E2F3: variants seen among roughly 807,000 people sequenced by gnomAD.
The protein encoded by E2F3 is E2F transcription factor 3, also known as transcription factor E2F3.
E2F3 carries 11 observed loss-of-function variants against 44.4 expected under a neutral mutation model. The observed-to-expected ratio is 0.25, with a 90% confidence interval of 0.16 to 0.41. E2F3 has a LOEUF of 0.41. Ranked by LOEUF, E2F3 falls within the 10% of genes least tolerant of loss-of-function variation. The pLI, the probability that E2F3 is intolerant of heterozygous loss-of-function variation, is 1.00. For synonymous variants in E2F3, 249 were observed against 253.0 expected (o/e 0.98, Z 0.15); for missense variants, 487 against 583.6 (o/e 0.83, Z 1.70).
Position 20,490,517 on chromosome 6 carries a change from C to A in E2F3, c.*87C>A. 2 of 1,317,354 alleles carry A rather than the reference C, an allele frequency of 1.5e-6. No individual in the cohort carries two copies. The highest frequency in any genetic ancestry group is 1.0e-6 in the Non-Finnish European group (1 of 977,550). 81.6% of individuals were successfully genotyped at this position (1,317,354 alleles called of 1,614,324 possible). ...TGTCATGCAGTGTTGTCCCTTCCTA[C>A]CTTCTTCCTCCAAGAGAGTATCATG... On this transcript the variant is annotated 3_prime_UTR_variant, in exon 7 of 7. Transcript: ENST00000346618. The surrounding 1 kb of genome is among the most constrained non-coding windows in gnomAD (Gnocchi z 4.3).
In E2F3 at chr6:20,402,624, C is replaced by G; in HGVS notation, c.392C>G (p.Pro131Arg). The change falls in exon 1 of 7, where the codon CCG becomes CGG. Residue 131 changes from proline (P) to arginine (R), a missense_variant and splice_region_variant. Around this residue, in one of 3 missense-constraint regions of E2F3, gnomAD observed 238 missense variants for 236.0 expected, o/e 1.01. Transcript: ENST00000346618. The surrounding 1 kb of genome is among the most constrained non-coding windows in gnomAD (Gnocchi z 5.6). ...GGCAGCGGCGGCGGCGGCGGCCCTC[C>G]GGTAATACCCTCCCTCCCCACCGTC... The part of the protein sequence containing the change: ...RGGSGGGGGP[P>R]AKRRLELGES... 7.5e-7 allele frequency: 1 copy of G among 1,332,676 alleles called. No individual in the cohort carries two copies. Among genetic ancestry groups the G allele is most frequent in the Non-Finnish European group, 9.5e-7 (1 of 1,049,810 alleles). The allele number at this position is 1,332,676 out of a possible 1,614,324, so 82.6% of individuals were successfully genotyped here.
rs1762537400 is a variant in E2F3 at position 20,490,913 on chromosome 6, A to G, written c.*483A>G. ...TATGGAATGGAACTGCAGCAAATGCAAACTTGAAGTCATGCAAAAGTATGA... is the reference window on the plus strand; with the variant it reads ...TATGGAATGGAACTGCAGCAAATGCGAACTTGAAGTCATGCAAAAGTATGA... On this transcript the variant is annotated 3_prime_UTR_variant, in exon 7 of 7. Coordinates refer to ENST00000346618, the MANE Select transcript of E2F3 (RefSeq NM_001949.5). This position sits in a 1 kb window ranked among gnomAD's most constrained non-coding sequence, Gnocchi z 4.3. 1 of 229,418 alleles carries G rather than the reference A, an allele frequency of 4.4e-6. No individual in the cohort carries two copies. Among genetic ancestry groups the G allele is most frequent in the African/African-American group, 2.2e-5 (1 of 45,158 alleles). The allele number at this position is 229,418 out of a possible 1,614,324, so 14.2% of individuals were successfully genotyped here. A position where few individuals can be genotyped will look rare whatever the true frequency, so the allele number is the denominator to read the frequency against.
chr6:20,470,461 T>A (rs748227739), intron 1 of E2F3, among the ~76,000 whole-genome samples: 7 of 152,192 alleles, frequency 4.6e-5, no homozygotes, highest in Non-Finnish European at 8.8e-5. Context: ...TTTCTTAAAA[T>A]CCTCATGCCC....
chr6:20,414,093 G>A (rs376217862), intron 1 of E2F3, among the ~76,000 whole-genome samples: 1 of 152,156 alleles, frequency 6.6e-6, no homozygotes. Context: ...TTGGCATAGA[G>A]GTTATAGTGG....
At chr6:20,421,818 G>A (rs1372860094) in intron 1 of E2F3, 1 of 152,350 alleles carries the variant, frequency 6.6e-6, no homozygotes, top group Non-Finnish European at 1.5e-5. Flanking sequence ...AGAACTCCTG[G>A]GCTCAAGCTA....
chr6:20,484,596 T>C (rs1762330779), intron 4 of E2F3, among the ~76,000 whole-genome samples: 1 of 152,192 alleles, frequency 6.6e-6, no homozygotes, highest in Admixed American at 6.5e-5. Context: ...ACTTCTTTGA[T>C]GGGTTATGTA....
At chr6:20,477,752 G>C (rs191821991) in intron 1 of E2F3, among the ~76,000 whole-genome samples, 1 of 152,156 alleles carries the variant, frequency 6.6e-6, no homozygotes, top group African/African-American at 2.4e-5. Flanking sequence ...AGAGAAAATA[G>C]ATTTACTATT....
At chr6:20,478,869 A>G (rs139176836) in intron 1 of E2F3, among the ~76,000 whole-genome samples, 1 of 152,210 alleles carries the variant, frequency 6.6e-6, no homozygotes, top group Non-Finnish European at 1.5e-5. Flanking sequence ...GAGCCTAAAT[A>G]CATATTTTTG....
chr6:20,459,620 G>T (rs1270714791), intron 1 of E2F3, among the ~76,000 whole-genome samples: 3 of 152,152 alleles, frequency 2.0e-5, no homozygotes, highest in Non-Finnish European at 4.4e-5. Context: ...CGATATGGAA[G>T]TACACAGTAG....
intron 3 of E2F3, 22 bp downstream of exon 3, chr6:20,481,447 G>A (rs4134938): frequency 9.3e-6 from 15 of 1,610,400 alleles, no homozygotes; most frequent in Non-Finnish European, 1.0e-5. Flanking sequence ...TCCTCCCCAT[G>A]CCCCGGCTCT....
At chr6:20,488,706 G>A (rs1387619319) in intron 6 of E2F3, among the ~76,000 whole-genome samples, 2 of 152,130 alleles carry the variant, frequency 1.3e-5, no homozygotes, top group Non-Finnish European at 2.9e-5. Flanking sequence ...CGCTAGGAAA[G>A]TAAGTCTTGC....
At chr6:20,446,925 AG>A (rs1290985175) in intron 1 of E2F3, among the ~76,000 whole-genome samples, 1 of 152,198 alleles carries the variant, frequency 6.6e-6, no homozygotes, top group East Asian at 1.9e-4. Context: ...AAAAGTTAAA[AG>A]TAAAAGCAAA....
chr6:20,405,742 G>A (rs1185379952), intron 1 of E2F3, among the ~76,000 whole-genome samples: 1 of 151,904 alleles, frequency 6.6e-6, no homozygotes, highest in African/African-American at 2.4e-5. Context: ...AAAATCGCTT[G>A]ACCCTGGGAA....
Position 20,462,859 on chromosome 6 carries a change from C to CTTT in E2F3, c.394-16952_394-16950dup, listed in dbSNP as rs780366667. Among the ~76,000 whole-genome samples the CTTT allele has an allele frequency of 4.9e-4, 24 of 48,846 alleles. 4 individuals carry two copies. Among genetic ancestry groups the CTTT allele is most frequent in the Non-Finnish European group, 6.2e-4 (17 of 27,458 alleles). 32.0% of individuals were successfully genotyped at this position (48,846 alleles called of 152,430 possible). A position where few individuals can be genotyped will look rare whatever the true frequency, so the allele number is the denominator to read the frequency against. On this transcript the variant is annotated intron_variant, in intron 1 of 6. Coordinates refer to ENST00000346618, the MANE Select transcript of E2F3 (RefSeq NM_001949.5). ...TGTTTTGTTCTCTTTCTCTCTCTCT[C>CTTT]TTTTTTTTTTTTTTTTTTTTTTTTT...
intron 1 of E2F3, among the ~76,000 whole-genome samples, chr6:20,406,785 A>G (rs1759508643): frequency 6.6e-6 from 1 of 152,040 alleles, no homozygotes; most frequent in African/African-American, 2.4e-5. Context: ...TTAGACCTGA[A>G]CTCTCAATCT....
intron 1 of E2F3, among the ~76,000 whole-genome samples, chr6:20,412,019 A>G (rs528634675): frequency 1.3e-5 from 2 of 152,314 alleles, no homozygotes; most frequent in South Asian, 2.1e-4. Context: ...CATTAGTCCT[A>G]TTGGGGATAC....
chr6:20,476,721 T>A (rs1243023411), intron 1 of E2F3, among the ~76,000 whole-genome samples: 5 of 152,204 alleles, frequency 3.3e-5, no homozygotes, highest in African/African-American at 1.2e-4. Context: ...CCACAATGAT[T>A]AGCCAGGCCT....
chr6:20,404,927 T>G (rs926533569), intron 1 of E2F3, among the ~76,000 whole-genome samples: 1 of 152,254 alleles, frequency 6.6e-6, no homozygotes, highest in Admixed American at 6.5e-5. Flanking sequence ...TGTTACTATT[T>G]CATAAACCTA....
rs759384790 is a variant in E2F3 at position 20,488,118 on chromosome 6, A to G, written c.1005A>G (p.Leu335=). ...TCTCCCACTTCTGTTCATAGAGCCTACAAATACATTTGGCAAGTACCCAAG... is the reference window on the plus strand; with the variant it reads ...TCTCCCACTTCTGTTCATAGAGCCTGCAAATACATTTGGCAAGTACCCAAG... ...RLEVPDSIES[L]QIHLASTQGP... Residue 335 remains leucine, a synonymous_variant, in exon 6 of 7, where the codon CTA becomes CTG. Coordinates refer to ENST00000346618, the MANE Select transcript of E2F3 (RefSeq NM_001949.5). 1.2e-6 allele frequency: 2 copies of G among 1,614,020 alleles called. No individual in the cohort carries two copies. The highest frequency in any genetic ancestry group is 4.5e-5 in the East Asian group (2 of 44,874).
Sources: allele counts gnomAD v4.1 joint callset (sites outside exome capture counted in the v4.1 genomes callset), GRCh38; gene constraint gnomAD v4.1.1; regional missense constraint gnomAD v4.1.1; non-coding constraint Gnocchi (gnomAD v3.1); transcripts MANE v1.5; gene names NCBI Gene and HGNC (gene_info 2026-07-23, HGNC 2026-07-21).